Variants in ERG observed in about 807,000 individuals in gnomAD.
The protein encoded by ERG is ETS transcription factor ERG.
Under a neutral mutation model 55.3 loss-of-function variants are expected in ERG, and 9 were observed. The observed-to-expected ratio is 0.16, with a 90% CI of 0.10 to 0.28. The LOEUF (loss-of-function observed/expected upper bound fraction) is 0.28. ERG is among the 10% of genes least tolerant of loss of function. The probability of loss-of-function intolerance (pLI) is 1.00; values close to 1 mark genes in which losing one functional copy is unlikely to be tolerated. For missense variants in ERG, 434 were observed against 631.6 expected (o/e 0.69, Z 3.35); for synonymous variants, 223 against 237.3 (o/e 0.94, Z 0.55).
Position 38,429,380 on chromosome 21 carries a change from T to A in ERG, c.237-5819A>T, listed in dbSNP as rs967092440. On this transcript the variant is annotated intron_variant, in intron 2 of 9. Transcript: ENST00000288319. The stretch of plus-strand genomic sequence containing the variant: ...CATATATAATATGTACACATATACA[T>A]ATATATGTACACATATACACATGTA... Among the ~76,000 whole-genome samples, 20 of 73,358 alleles carry A rather than the reference T, an allele frequency of 2.7e-4. 3 individuals carry two copies. Among genetic ancestry groups the A allele is most frequent in the African/African-American group, 6.5e-4 (19 of 29,106 alleles). The allele number at this position is 73,358 out of a possible 152,430, so 48.1% of individuals were successfully genotyped here. A position where few individuals can be genotyped will look rare whatever the true frequency, so the allele number is the denominator to read the frequency against.
intron 8 of ERG, among the ~76,000 whole-genome samples, chr21:38,391,269 C>T (rs1987955881): frequency 6.6e-6 from 1 of 152,076 alleles, no homozygotes; most frequent in Non-Finnish European, 1.5e-5. Context: ...GGATTCAACC[C>T]CAGGATCCTG....
chr21:38,636,821 T>A (rs1413397136), intron 1 of ERG, among the ~76,000 whole-genome samples: 2 of 152,214 alleles, frequency 1.3e-5, no homozygotes, highest in Non-Finnish European at 2.9e-5. Context: ...AATAGAGGGC[T>A]GGACACTGCC....
chr21:38,588,121 A>G (rs1280607018), upstream of ERG, among the ~76,000 whole-genome samples: 1 of 152,260 alleles, frequency 6.6e-6, no homozygotes, highest in Non-Finnish European at 1.5e-5. Context: ...AGAAAGGCAC[A>G]CTACCAGCCG....
At chr21:38,643,467 T>G (rs2060437571) in intron 1 of ERG, among the ~76,000 whole-genome samples, 1 of 152,156 alleles carries the variant, frequency 6.6e-6, no homozygotes, top group Admixed American at 6.5e-5. Flanking sequence ...CTCCCAACCT[T>G]GATGCACACC....
In ERG at chr21:38,383,958, G is replaced by C; in HGVS notation, c.920-35C>G. 6.3e-7 allele frequency: 1 copy of C among 1,585,762 alleles called. No individual in the cohort carries two copies. The highest frequency in any genetic ancestry group is 8.6e-7 in the Non-Finnish European group (1 of 1,166,322). ...TCAGGAGAGGAAGGAAAACTCCAGT[G>C]AGCACAGGTTCCAGGGGAAAGAGGC... On this transcript the variant is annotated intron_variant, in intron 9 of 9. Transcript: ENST00000288319. The surrounding 1 kb of genome is among the most constrained non-coding windows in gnomAD (Gnocchi z 5.7).
intron 9 of ERG, among the ~76,000 whole-genome samples, chr21:38,384,510 T>C (rs1343604130): frequency 2.0e-5 from 3 of 152,240 alleles, no homozygotes; most frequent in Non-Finnish European, 2.9e-5. Context: ...CTTCCATCCA[T>C]TTCTGACGTC....
intron 1 of ERG, among the ~76,000 whole-genome samples, chr21:38,462,790 G>A (rs559423847): frequency 1.3e-5 from 2 of 152,258 alleles, no homozygotes; most frequent in Admixed American, 6.5e-5. Flanking sequence ...TAAAGAAGCA[G>A]GCTGCCCATC....
intron 1 of ERG, among the ~76,000 whole-genome samples, chr21:38,610,531 G>C (rs2060220688): frequency 6.6e-6 from 1 of 151,202 alleles, no homozygotes; most frequent in East Asian, 1.9e-4. Flanking sequence ...ACGCGCGTGT[G>C]TGTGTGTGTG....
chr21:38,555,586 G>A (rs2059853591), intron 2 of ERG, among the ~76,000 whole-genome samples: 1 of 151,910 alleles, frequency 6.6e-6, no homozygotes, highest in Admixed American at 6.6e-5. Context: ...AGTTTTTATT[G>A]AGTATCTATA....
chr21:38,593,952 A>G (rs2060116254), intron 1 of ERG, among the ~76,000 whole-genome samples: 1 of 151,668 alleles, frequency 6.6e-6, no homozygotes, highest in Non-Finnish European at 1.5e-5. Flanking sequence ...CATTAAAAGC[A>G]TAAAGAAAAA....
chr21:38,383,383 G>T lies in ERG; in HGVS notation c.*20C>A, dbSNP rs1383985202. ...TGGGCTGGTGAATGCACGCTGATGG[G>T]AAAAGCCTCCGCCAGGTCTTTAGTA... On this transcript the variant is annotated 3_prime_UTR_variant, in exon 10 of 10. Transcript: ENST00000288319. This position sits in a 1 kb window ranked among gnomAD's most constrained non-coding sequence, Gnocchi z 5.7. The T allele has an allele frequency of 6.8e-6, 10 of 1,479,932 alleles. No individual in the cohort carries two copies. The highest frequency in any genetic ancestry group is 9.0e-6 in the Non-Finnish European group (10 of 1,113,122). The allele number at this position is 1,479,932 out of a possible 1,614,324, so 91.7% of individuals were successfully genotyped here.
chr21:38,389,994 G>A (rs970641841), intron 9 of ERG, among the ~76,000 whole-genome samples: 5 of 151,998 alleles, frequency 3.3e-5, no homozygotes, highest in Admixed American at 6.6e-5. Context: ...ATTCCATTTC[G>A]AACCTTATTT....
chr21:38,603,422 C>T (rs1014124602), intron 1 of ERG, among the ~76,000 whole-genome samples: 2 of 151,930 alleles, frequency 1.3e-5, no homozygotes, highest in African/African-American at 4.8e-5. Context: ...AGATCGAGAC[C>T]ATCCTGGTCA....
intron 2 of ERG, among the ~76,000 whole-genome samples, chr21:38,557,915 C>T (rs371595640): frequency 2.6e-5 from 4 of 152,280 alleles, no homozygotes; most frequent in East Asian, 1.9e-4. Flanking sequence ...CCCTGCACTT[C>T]AACTAATGAA....
upstream of ERG, among the ~76,000 whole-genome samples, chr21:38,585,532 C>CTTTTTTTTTT (rs760791568): frequency 0.013 from 752 of 59,254 alleles, 151 homozygotes; most frequent in East Asian, 0.033. Context: ...TCTCTCTCTT[C>CTTTTTTTTTT]TTTTTTTTTT....
intron 2 of ERG, among the ~76,000 whole-genome samples, chr21:38,445,156 T>G (rs2058879234): frequency 6.7e-6 from 1 of 149,694 alleles, no homozygotes. Context: ...TTTTTTTTTT[T>G]TGTTAGCCAG....
At chr21:38,622,510 C>A (rs572107644) in intron 1 of ERG, among the ~76,000 whole-genome samples, 1 of 149,846 alleles carries the variant, frequency 6.7e-6, no homozygotes, top group Admixed American at 6.7e-5. Context: ...CCACACACAC[C>A]ACACACACAC....
chr21:38,385,907 A>G (rs1232562625), intron 9 of ERG, among the ~76,000 whole-genome samples: 5 of 152,236 alleles, frequency 3.3e-5, no homozygotes, highest in Admixed American at 6.5e-5. Context: ...AGATGCTTCA[A>G]TATAAACACA....
chr21:38,480,024 G>A (rs1292444898), intron 1 of ERG, among the ~76,000 whole-genome samples: 1 of 152,008 alleles, frequency 6.6e-6, no homozygotes, highest in African/African-American at 2.4e-5. Flanking sequence ...ATAAAAGAAG[G>A]GCTACCTACA....
Sources: gnomAD v4.1 joint callset for allele counts (sites outside exome capture counted in the v4.1 genomes callset) on GRCh38, gnomAD v4.1.1 for gene constraint, Gnocchi (gnomAD v3.1) non-coding constraint, MANE v1.5 for transcripts, NCBI Gene and HGNC (gene_info 2026-07-23, HGNC 2026-07-21) for gene names.